The following DOCK8 variants were observed in gnomAD, a reference collection of about 807,000 sequenced individuals.
The protein encoded by DOCK8 is dedicator of cytokinesis 8.
DOCK8 carries 141 observed loss-of-function variants against 245.6 expected under a neutral mutation model. The observed-to-expected ratio is 0.57, with a 90% confidence interval of 0.50 to 0.66. The LOEUF (loss-of-function observed/expected upper bound fraction) is 0.66, where lower values mean the gene tolerates loss of function less well. Ranked by LOEUF, DOCK8 falls within the 30% of genes least tolerant of loss-of-function variation. DOCK8 has a pLI of 0.00. For missense variants in DOCK8, 2,965 were observed against 2,603.4 expected (o/e 1.14, Z -3.02); for synonymous variants, 1,168 against 970.2 (o/e 1.20, Z -3.79).
intron 46 of DOCK8, among the ~76,000 whole-genome samples, chr9:458,585 G>A (rs1038548790): frequency 3.9e-5 from 6 of 152,130 alleles, no homozygotes; most frequent in Admixed American, 2.0e-4. Context: ...TGAGGTGGGC[G>A]GATCACTTGA....
At chr9:277,457 G>GAGAGA (rs143194665) in intron 2 of DOCK8, among the ~76,000 whole-genome samples, 44,510 of 129,426 alleles carry the variant, frequency 0.34, 9,142 homozygotes, top group Middle Eastern at 0.47. Flanking sequence ...AGAAGAGAAA[G>GAGAGA]AGAGAAGAGA....
chr9:248,497 T>C (rs952931086), intron 1 of DOCK8, among the ~76,000 whole-genome samples: 7 of 151,798 alleles, frequency 4.6e-5, no homozygotes, highest in Non-Finnish European at 7.4e-5. Flanking sequence ...TCTTTCTTCC[T>C]TCCTTGCCTC....
chr9:249,799 T>TG (rs71317281), intron 1 of DOCK8, among the ~76,000 whole-genome samples: 1 of 149,560 alleles, frequency 6.7e-6, no homozygotes, highest in East Asian at 2.0e-4. Flanking sequence ...TTTTTTTTTT[T>TG]GTATTTTTAG....
intron 33 of DOCK8, among the ~76,000 whole-genome samples, chr9:423,679 T>A (rs1039968602): frequency 4.6e-5 from 7 of 152,236 alleles, no homozygotes; most frequent in Admixed American, 2.0e-4. Flanking sequence ...CCTATTTGCT[T>A]TGGGTATGTT....
intron 26 of DOCK8, among the ~76,000 whole-genome samples, chr9:400,241 C>T (rs1022022324): frequency 5.0e-5 from 4 of 79,970 alleles, no homozygotes; most frequent in Non-Finnish European, 5.4e-5. Context: ...ACCATCACCA[C>T]CACCTCCACC....
At chr9:400,400 C>T (rs2054858243) in intron 26 of DOCK8, among the ~76,000 whole-genome samples, 2 of 78,656 alleles carry the variant, frequency 2.5e-5, no homozygotes, top group Admixed American at 1.2e-4. Flanking sequence ...ACCACCACCT[C>T]CACCATCACC....
chr9:271,808 T>G (rs1054272216), intron 2 of DOCK8, 79 bp downstream of exon 2: 16 of 917,688 alleles, frequency 1.7e-5, no homozygotes, highest in Middle Eastern at 4.2e-4. Flanking sequence ...TCCTGTTCCT[T>G]AGATCTTCCT....
chr9:296,535 G>A (rs1586627599), intron 4 of DOCK8, among the ~76,000 whole-genome samples: 1 of 152,258 alleles, frequency 6.6e-6, no homozygotes, highest in African/African-American at 2.4e-5. Context: ...GGAGAGCTGA[G>A]ATATCAAGGA....
At chr9:400,988 T>TTCACCATCACCACCTCCTCCACCATCA (rs1564017131) in intron 26 of DOCK8, among the ~76,000 whole-genome samples, 1 of 96,312 alleles carries the variant, frequency 1.0e-5, no homozygotes, top group Non-Finnish European at 2.4e-5. Flanking sequence ...CACCACCTCC[T>TTCACCATCACCACCTCCTCCACCATCA]CCACCACCAC....
intron 7 of DOCK8, among the ~76,000 whole-genome samples, chr9:319,456 G>A (rs1349295513): frequency 6.6e-6 from 1 of 152,206 alleles, no homozygotes; most frequent in African/African-American, 2.4e-5. Context: ...ACCTATAACT[G>A]CAAGAGAAGA....
chr9:218,583 G>A (rs1484891213), intron 1 of DOCK8, among the ~76,000 whole-genome samples: 4 of 152,128 alleles, frequency 2.6e-5, no homozygotes, highest in South Asian at 2.1e-4. Flanking sequence ...ATCTAGTCTT[G>A]TTAATTGCCT....
chr9:448,087 T>C (rs2057319938), intron 44 of DOCK8, among the ~76,000 whole-genome samples: 2 of 152,180 alleles, frequency 1.3e-5, no homozygotes, highest in Admixed American at 1.3e-4. Flanking sequence ...TCTGTGTCTC[T>C]GTCTCTCTTT....
intron 14 of DOCK8, among the ~76,000 whole-genome samples, chr9:355,235 C>T (rs1338607921): frequency 3.3e-4 from 43 of 131,140 alleles, no homozygotes; most frequent in African/African-American, 1.2e-3. Flanking sequence ...GACAGAGTCT[C>T]GCTCTGTCAC....
In DOCK8 at chr9:391,992, G is replaced by A. The variant is rs979085520; in HGVS notation, c.2970+1426G>A. On this transcript the variant is annotated intron_variant, in intron 24 of 47. Coordinates refer to ENST00000432829, the MANE Select transcript of DOCK8 (RefSeq NM_203447.4). ...ATCCCTACTAAAAATACAAAAATTAGCCGGGTGTGGTGGCGGGTGCCTGTA... is the reference window on the plus strand; with the variant it reads ...ATCCCTACTAAAAATACAAAAATTAACCGGGTGTGGTGGCGGGTGCCTGTA... Among the ~76,000 whole-genome samples, 3 of 151,844 alleles carry A rather than the reference G, an allele frequency of 2.0e-5. No homozygotes were observed. In the South Asian group the frequency reaches 6.3e-4, roughly 32 times the overall value.
upstream of DOCK8, chr9:214,638 G>A (rs757115492): frequency 1.2e-6 from 2 of 1,611,876 alleles, no homozygotes; most frequent in African/African-American, 1.3e-5. Flanking sequence ...GTCGCCTGTC[G>A]TCCGCCCGCG....
chr9:334,481 T>G, intron 11 of DOCK8, 97 bp downstream of exon 11: 1 of 1,359,232 alleles, frequency 7.4e-7, no homozygotes, highest in East Asian at 2.3e-5. Context: ...CAGTGAGGTG[T>G]GGGAAGTGGG....
chr9:319,865 C>G (rs2050509890), intron 7 of DOCK8, among the ~76,000 whole-genome samples: 1 of 152,036 alleles, frequency 6.6e-6, no homozygotes, highest in African/African-American at 2.4e-5. Flanking sequence ...TTAATACCAT[C>G]TTATGAAAAG....
At chr9:327,897 A>G (rs982237258) in intron 8 of DOCK8, 125 bp from the exon 9 acceptor site, 2 of 874,988 alleles carry the variant, frequency 2.3e-6, no homozygotes, top group African/African-American at 1.7e-5. Context: ...CCTAAACCAC[A>G]TCTGTGATTA....
intron 14 of DOCK8, among the ~76,000 whole-genome samples, chr9:359,803 CAAAAAAAA>C (rs67236172): frequency 0.023 from 2,539 of 108,562 alleles, 69 homozygotes; most frequent in African/African-American, 0.071. Context: ...TCTGTCTTTG[CAAAAAAAA>C]AAAAAAAAAA....
Sources: allele counts gnomAD v4.1 joint callset (sites outside exome capture counted in the v4.1 genomes callset), GRCh38; gene constraint gnomAD v4.1.1; transcripts MANE v1.5; gene names NCBI Gene and HGNC (gene_info 2026-07-23, HGNC 2026-07-21).